AKAP6: variants seen among roughly 807,000 people sequenced by gnomAD.
AKAP6 encodes A-kinase anchor protein 6.
AKAP6 carries 58 observed loss-of-function variants against 188.5 expected under a neutral mutation model. The ratio of observed to expected loss-of-function variants is 0.31; its 90% CI spans 0.25 to 0.38. The LOEUF is 0.38. Among genes scored for constraint, AKAP6 ranks in the 10% least tolerant of loss-of-function variants. AKAP6 has a pLI of 1.00. For synonymous variants in AKAP6, 989 were observed against 998.6 expected (o/e 0.99, Z 0.18); for missense variants, 2,710 against 2,740.0 (o/e 0.99, Z 0.24).
chr14:32,588,936 T>TC (rs1362096885), intron 5 of AKAP6, among the ~76,000 whole-genome samples: 1 of 152,208 alleles, frequency 6.6e-6, no homozygotes, highest in East Asian at 1.9e-4. Context: ...CAGGAAAATT[T>TC]CCCCAAATAC....
At chr14:32,622,211 T>G (rs1886841617) in intron 7 of AKAP6, among the ~76,000 whole-genome samples, 1 of 152,170 alleles carries the variant, frequency 6.6e-6, no homozygotes, top group African/African-American at 2.4e-5. Context: ...TCACCAATAT[T>G]TTTAAATAAT....
chr14:32,529,963 CTTTTTTTTT>C (rs11305618), intron 2 of AKAP6, among the ~76,000 whole-genome samples: 10 of 62,008 alleles, frequency 1.6e-4, no homozygotes, highest in South Asian at 7.2e-4. Flanking sequence ...GGTAAAGAAA[CTTTTTTTTT>C]TTTTTTTTTT....
At position 32,833,322 on chromosome 14, in the gene AKAP6, G is replaced by T. The variant is rs1360670540; in HGVS notation, c.*3517G>T. On this transcript the variant is annotated 3_prime_UTR_variant, in exon 14 of 14. Transcript: ENST00000280979. ...TTCTGAAAGTGCCTTTTGTGTCCTTGAATAGAGTGATTATGACTTTTGTCT... is the reference window on the plus strand; with the variant it reads ...TTCTGAAAGTGCCTTTTGTGTCCTTTAATAGAGTGATTATGACTTTTGTCT... 1 of 152,182 alleles carries T rather than the reference G, an allele frequency of 6.6e-6. No individual in the cohort carries two copies. Among genetic ancestry groups the T allele is most frequent in the Non-Finnish European group, 1.5e-5 (1 of 68,034 alleles). 9.4% of individuals were successfully genotyped at this position (152,182 alleles called of 1,614,324 possible).
chr14:32,439,896 T>C (rs1566503531), intron 2 of AKAP6, among the ~76,000 whole-genome samples: 1 of 152,200 alleles, frequency 6.6e-6, no homozygotes, highest in Non-Finnish European at 1.5e-5. Flanking sequence ...TTAAATATAA[T>C]AAGCCCTGGT....
chr14:32,800,057 C>CTATATATA (rs1314660429), intron 12 of AKAP6, among the ~76,000 whole-genome samples: 2 of 104,848 alleles, frequency 1.9e-5, no homozygotes, highest in East Asian at 2.6e-4. Flanking sequence ...CTCTCTCTCT[C>CTATATATA]TCTCTATATA....
Position 32,546,488 on chromosome 14 carries a change from G to C in AKAP6, c.1835G>C (p.Ser612Thr), listed in dbSNP as rs746447360. The C allele has an allele frequency of 6.2e-7, 1 of 1,614,158 alleles. No homozygotes were observed. Among genetic ancestry groups the C allele is most frequent in the Non-Finnish European group, 8.5e-7 (1 of 1,180,016 alleles). ...AAAAAAGGTCAAGCCTCCTCTCCAA[G>C]TCACGTCACTAGGAATGGTGAGGTT... ...KSKKGQASSP[S>T]HVTRNGEVVE... Residue 612 changes from serine (S) to threonine (T), a missense_variant, in exon 4 of 14, where the codon AGT becomes ACT. Physicochemically the swap from Ser to Thr is moderately conservative, Grantham distance 58. Transcript: ENST00000280979.
chr14:32,399,551 T>C (rs1889010319), intron 1 of AKAP6, among the ~76,000 whole-genome samples: 1 of 152,166 alleles, frequency 6.6e-6, no homozygotes. Flanking sequence ...AAGCAGGGCC[T>C]TCTGGGGACT....
chr14:32,462,670 A>G (rs1348177538), intron 2 of AKAP6, among the ~76,000 whole-genome samples: 2 of 152,114 alleles, frequency 1.3e-5, no homozygotes, highest in Admixed American at 1.3e-4. Flanking sequence ...TGCATCAACT[A>G]ATATGCAAAA....
intron 1 of AKAP6, among the ~76,000 whole-genome samples, chr14:32,430,799 A>C (rs991088166): frequency 6.6e-6 from 1 of 151,990 alleles, no homozygotes; most frequent in African/African-American, 2.4e-5. Flanking sequence ...TCGATTAATA[A>C]TTTTTTTTAA....
intron 12 of AKAP6, among the ~76,000 whole-genome samples, chr14:32,802,992 G>A (rs2033990471): frequency 6.6e-6 from 1 of 152,070 alleles, no homozygotes; most frequent in Non-Finnish European, 1.5e-5. Context: ...TAGCTACTCA[G>A]GAGACTGAGG....
At chr14:32,775,312 T>G (rs2139998622) in intron 12 of AKAP6, among the ~76,000 whole-genome samples, 1 of 152,292 alleles carries the variant, frequency 6.6e-6, no homozygotes, top group Admixed American at 6.5e-5. Context: ...TTGTGAAATT[T>G]TTGAAGCATT....
At chr14:32,490,834 C>T (rs1594671877) in intron 2 of AKAP6, among the ~76,000 whole-genome samples, 1 of 152,142 alleles carries the variant, frequency 6.6e-6, no homozygotes, top group Non-Finnish European at 1.5e-5. Context: ...TGGTTGTTCT[C>T]AGTGAGGTAG....
chr14:32,796,684 G>A (rs7161309), intron 12 of AKAP6, among the ~76,000 whole-genome samples: 62,174 of 152,046 alleles, frequency 0.41, 12,864 homozygotes, highest in African/African-American at 0.42. Flanking sequence ...AAAACGCTAG[G>A]AGAAAATCTA....
At chr14:32,400,301 T>C (rs1889040399) in intron 1 of AKAP6, among the ~76,000 whole-genome samples, 1 of 151,622 alleles carries the variant, frequency 6.6e-6, no homozygotes, top group South Asian at 2.1e-4. Context: ...ATCATAAGAA[T>C]CTCAGTTTTA....
intron 12 of AKAP6, among the ~76,000 whole-genome samples, chr14:32,812,289 A>G (rs2034256700): frequency 6.6e-6 from 1 of 152,170 alleles, no homozygotes; most frequent in Non-Finnish European, 1.5e-5. Flanking sequence ...CATTGATGTT[A>G]TTTTTCTCTT....
chr14:32,780,910 C>T (rs923735015), intron 12 of AKAP6, among the ~76,000 whole-genome samples: 1 of 151,638 alleles, frequency 6.6e-6, no homozygotes, highest in Admixed American at 6.6e-5. Flanking sequence ...AACTCATGGG[C>T]CAAAGAAGAA....
chr14:32,642,262 T>A (rs1887789878), intron 7 of AKAP6, among the ~76,000 whole-genome samples: 1 of 152,228 alleles, frequency 6.6e-6, no homozygotes, highest in Admixed American at 6.5e-5. Flanking sequence ...TTGTGTCACT[T>A]TAGCAATGCC....
chr14:32,822,302 C>A lies in AKAP6; in HGVS notation c.4489C>A (p.Pro1497Thr). 6.2e-7 allele frequency: 1 copy of A among 1,613,880 alleles called. No individual in the cohort carries two copies. Among genetic ancestry groups the A allele is most frequent in the Non-Finnish European group, 8.5e-7 (1 of 1,179,918 alleles). The change falls in exon 13 of 14, where the codon CCC becomes ACC. Residue 1497 changes from proline (P) to threonine (T), a missense_variant. Physicochemically the swap from Pro to Thr is conservative, Grantham distance 38. Transcript: ENST00000280979. Reference protein sequence around the residue: ...SQSEKAHVEDPLLRGFYFDKK... With the variant: ...SQSEKAHVEDTLLRGFYFDKK... ...AAGCGAAAAAGCGCATGTGGAGGAT[C>A]CCCTGCTTCGTGGTTTTTATTTTGA... is the stretch of plus-strand genomic sequence containing the variant.
Position 32,453,584 on chromosome 14 carries a change from T to C in AKAP6, c.324+19767T>C, listed in dbSNP as rs1261733615. ...ATAGAATTTTTCTTTTCTTTTTTTT[T>C]TTTTTTTTTTTTTTTTTTTTTTTTT... On this transcript the variant is annotated intron_variant, in intron 2 of 13. Coordinates refer to ENST00000280979, the MANE Select transcript of AKAP6 (RefSeq NM_004274.5). Among the ~76,000 whole-genome samples the C allele has an allele frequency of 3.7e-3, 26 of 6,992 alleles. No individual in the cohort carries two copies. The African/African-American group carries it at 0.063, about 17-fold the overall frequency. The allele number at this position is 6,992 out of a possible 152,430, so 4.6% of individuals were successfully genotyped here.
Sources: allele counts gnomAD v4.1 joint callset (sites outside exome capture counted in the v4.1 genomes callset), GRCh38; gene constraint gnomAD v4.1.1; transcripts MANE v1.5; gene names NCBI Gene and HGNC (gene_info 2026-07-23, HGNC 2026-07-21).